FXR2: variants seen among roughly 807,000 people sequenced by gnomAD.
The protein encoded by FXR2 is RNA-binding protein FXR2.
A neutral mutation model predicts 87.3 loss-of-function variants in FXR2; 9 were observed. That is an observed-to-expected ratio of 0.10 (90% confidence interval 0.06 to 0.18). The LOEUF (loss-of-function observed/expected upper bound fraction) is 0.18, where lower values mean the gene tolerates loss of function less well. Ranked by LOEUF, FXR2 falls within the 10% of genes least tolerant of loss-of-function variation. The pLI is 1.00. For synonymous variants in FXR2, 331 were observed against 328.3 expected, an observed-to-expected ratio of 1.01 and a Z score of -0.09; for missense variants, 661 against 893.6, an observed-to-expected ratio of 0.74 and a Z score of 3.32.
Position 7,591,442 on chromosome 17 carries a change from T to G in FXR2, c.*388A>C. 1 of 221,194 alleles carries G rather than the reference T, an allele frequency of 4.5e-6. No individual in the cohort carries two copies. The highest frequency in any genetic ancestry group is 9.2e-6 in the Non-Finnish European group (1 of 108,654). 13.7% of individuals were successfully genotyped at this position (221,194 alleles called of 1,614,324 possible). A position where few individuals can be genotyped will look rare whatever the true frequency, so the allele number is the denominator to read the frequency against. On this transcript the variant is annotated 3_prime_UTR_variant, in exon 17 of 17. Coordinates refer to ENST00000250113, the MANE Select transcript of FXR2 (RefSeq NM_004860.4). The surrounding 1 kb of genome is among the most constrained non-coding windows in gnomAD (Gnocchi z 4.0). ...TTCCACAGTGATGAGGCCCCAGAAA[T>G]GGGGGGTACAGGATGGGAGGAGGGA...
chr17:7,611,540 C>G (rs2071864706), intron 1 of FXR2, among the ~76,000 whole-genome samples: 1 of 152,108 alleles, frequency 6.6e-6, no homozygotes, highest in Non-Finnish European at 1.5e-5. Context: ...TGGTGTTGCA[C>G]ACCTGTAATC....
chr17:7,613,221 A>C (rs934373050), intron 1 of FXR2, among the ~76,000 whole-genome samples: 2 of 151,680 alleles, frequency 1.3e-5, no homozygotes, highest in Admixed American at 6.6e-5. Flanking sequence ...AGGGGGATCC[A>C]CTCTTAACAA....
In FXR2 at chr17:7,594,351, G is replaced by A. The variant is rs1567748449; in HGVS notation, c.911-4C>T. On this transcript the variant is annotated splice_region_variant and splice_polypyrimidine_tract_variant and intron_variant, in intron 9 of 16. Coordinates refer to ENST00000250113, the MANE Select transcript of FXR2 (RefSeq NM_004860.4). This position sits in a 1 kb window ranked among gnomAD's most constrained non-coding sequence, Gnocchi z 5.1. Reference sequence around the variant, plus strand: ...CCGTTCTTTCCAATCACTTTGCCTGGAATAGGTAAATGAGGAATTCAGCCT... The same window carrying A: ...CCGTTCTTTCCAATCACTTTGCCTGAAATAGGTAAATGAGGAATTCAGCCT... 6.4e-7 allele frequency: 1 copy of A among 1,565,296 alleles called. No homozygotes were observed. Among genetic ancestry groups the A allele is most frequent in the East Asian group, 2.2e-5 (1 of 44,652 alleles).
rs56863633 is a variant in FXR2 at position 7,609,979 on chromosome 17, C to CATAT, written c.82-3834_82-3831dup. On this transcript the variant is annotated intron_variant, in intron 1 of 16. Coordinates refer to ENST00000250113, the MANE Select transcript of FXR2 (RefSeq NM_004860.4). ...ACATATATATACATGTATATGTATA[C>CATAT]ATATATATATACATGTATATGTATA... 6.3e-5 allele frequency among the ~76,000 whole-genome samples: 3 copies of CATAT among 47,846 alleles called. 1 individual carries two copies. Among genetic ancestry groups the CATAT allele is most frequent in the African/African-American group, 1.6e-4 (3 of 18,578 alleles). 31.4% of individuals were successfully genotyped at this position (47,846 alleles called of 152,430 possible).
rs749571591 is a variant in FXR2, at chr17:7,603,801, G to C, written c.405C>G (p.Ser135Arg). 3.7e-6 allele frequency: 6 copies of C among 1,613,958 alleles called. No homozygotes were observed. Among genetic ancestry groups the C allele is most frequent in the Non-Finnish European group, 5.1e-6 (6 of 1,179,872 alleles). Residue 135 changes from serine to arginine, a missense_variant, in exon 5 of 17, where the codon AGC (serine) becomes AGG (arginine). Around this residue, in one of 3 missense-constraint regions of FXR2, gnomAD observed 170 missense variants for 247.2 expected, o/e 0.69. Transcript: ENST00000250113. ...VNPNPLATKGSFFKVTMAVPE... is the reference protein window; with the variant it reads ...VNPNPLATKGRFFKVTMAVPE... ...GCACAGCCATGGTAACCTTGAAGAA[G>C]CTGCCTTTGGTTGCAAGGGGATTGG...
intron 3 of FXR2, among the ~76,000 whole-genome samples, chr17:7,604,721 C>CTTT (rs202152843): frequency 1.5e-5 from 2 of 130,544 alleles, no homozygotes; most frequent in South Asian, 2.6e-4. Flanking sequence ...TGGGATGCAT[C>CTTT]TTTTTTTTTT....
chr17:7,602,679 A>G, intron 6 of FXR2: 1 of 399,196 alleles, frequency 2.5e-6, no homozygotes, highest in Non-Finnish European at 4.5e-6. Context: ...CAGTGAGCCG[A>G]GATCGTGCCA....
chr17:7,603,283 T>C (rs2071774344), intron 5 of FXR2, among the ~76,000 whole-genome samples: 1 of 151,422 alleles, frequency 6.6e-6, no homozygotes, highest in South Asian at 2.1e-4. Context: ...ATCCCAGCAC[T>C]TTGGGAGGCT....
chr17:7,592,075 G>A lies in FXR2; in HGVS notation c.1927-150C>T, dbSNP rs1296621943. 1 of 1,436,844 alleles carries A rather than the reference G, an allele frequency of 7.0e-7. No homozygotes were observed. Among genetic ancestry groups the A allele is most frequent in the Admixed American group, 2.7e-5 (1 of 36,378 alleles). 89.0% of individuals were successfully genotyped at this position (1,436,844 alleles called of 1,614,324 possible). On this transcript the variant is annotated intron_variant, in intron 16 of 16. Coordinates refer to ENST00000250113, the MANE Select transcript of FXR2 (RefSeq NM_004860.4). The surrounding 1 kb of genome is among the most constrained non-coding windows in gnomAD (Gnocchi z 4.8). ...TCATGATCCAGTCTCTCTTACTTGGGATCCAGAAAATGTGAACCACACTTT... is the reference window on the plus strand; with the variant it reads ...TCATGATCCAGTCTCTCTTACTTGGAATCCAGAAAATGTGAACCACACTTT...
intron 7 of FXR2, among the ~76,000 whole-genome samples, chr17:7,600,493 T>C (rs988064393): frequency 6.6e-6 from 1 of 151,792 alleles, no homozygotes; most frequent in African/African-American, 2.4e-5. Context: ...GCGCCCACCC[T>C]AAAAAATAAA....
chr17:7,591,612 T>A lies in FXR2; in HGVS notation c.*218A>T. 1 of 566,720 alleles carries A rather than the reference T, an allele frequency of 1.8e-6. No individual in the cohort carries two copies. Among genetic ancestry groups the A allele is most frequent in the Non-Finnish European group, 3.2e-6 (1 of 314,994 alleles). 35.1% of individuals were successfully genotyped at this position (566,720 alleles called of 1,614,324 possible). The stretch of plus-strand genomic sequence containing the variant: ...CAGTCTGATGGGGAAGGAGAGAGGC[T>A]CCCCTTACCCTGGGGGTAGGGTGGA... On this transcript the variant is annotated 3_prime_UTR_variant, in exon 17 of 17. Coordinates refer to ENST00000250113, the MANE Select transcript of FXR2 (RefSeq NM_004860.4). The surrounding 1 kb of genome is among the most constrained non-coding windows in gnomAD (Gnocchi z 4.0).
chr17:7,602,927 G>T lies in FXR2; in HGVS notation c.525C>A (p.Asn175Lys). The change falls in exon 6 of 17, where the codon AAC becomes AAA. Residue 175 changes from asparagine to lysine, a missense_variant. Asn to Lys is a moderately conservative substitution (Grantham distance 94). Around this residue, in one of 3 missense-constraint regions of FXR2, gnomAD observed 170 missense variants for 247.2 expected, o/e 0.69. Coordinates refer to ENST00000250113, the MANE Select transcript of FXR2 (RefSeq NM_004860.4). ...GANCIFLNIT[N>K]SELFILSTTE... ...AACTCACCAGAATGAAGAGCTCACT[G>T]TTTGTGATGTTGAGAAAGATGCAGT... 1 of 1,532,018 alleles carries T rather than the reference G, an allele frequency of 6.5e-7. No individual in the cohort carries two copies. Among genetic ancestry groups the T allele is most frequent in the Non-Finnish European group, 9.0e-7 (1 of 1,106,394 alleles). The allele number at this position is 1,532,018 out of a possible 1,614,324, so 94.9% of individuals were successfully genotyped here. A position where few individuals can be genotyped will look rare whatever the true frequency, so the allele number is the denominator to read the frequency against.
rs1455743571 is a variant in FXR2, at chr17:7,591,570, G to T, written c.*260C>A. 1 of 477,662 alleles carries T rather than the reference G, an allele frequency of 2.1e-6. No individual in the cohort carries two copies. Among genetic ancestry groups the T allele is most frequent in the African/African-American group, 2.0e-5 (1 of 50,538 alleles). 29.6% of individuals were successfully genotyped at this position (477,662 alleles called of 1,614,324 possible). A position where few individuals can be genotyped will look rare whatever the true frequency, so the allele number is the denominator to read the frequency against. Reference sequence around the variant, plus strand: ...TGTTCAGAGAGAGATTGGGGCATTAGAGGATAAAGGCACATCCAGTCTGAT... The same window carrying T: ...TGTTCAGAGAGAGATTGGGGCATTATAGGATAAAGGCACATCCAGTCTGAT... On this transcript the variant is annotated 3_prime_UTR_variant, in exon 17 of 17. Transcript: ENST00000250113. The surrounding 1 kb of genome is among the most constrained non-coding windows in gnomAD (Gnocchi z 4.0).
chr17:7,614,164 G>A (rs2071910212), intron 1 of FXR2: 1 of 640,204 alleles, frequency 1.6e-6, no homozygotes, highest in Non-Finnish European at 2.9e-6. Context: ...GGGTAAAGGG[G>A]TCTCTCCTGC....
intron 7 of FXR2, among the ~76,000 whole-genome samples, chr17:7,600,428 G>T (rs1451111012): frequency 6.6e-6 from 1 of 152,078 alleles, no homozygotes; most frequent in East Asian, 1.9e-4. Context: ...GGATTGATCT[G>T]CCTGCCTCGG....
chr17:7,593,576 C>T lies in FXR2; in HGVS notation c.1157G>A (p.Arg386Gln), dbSNP rs1278448456. Residue 386 changes from arginine (R) to glutamine (Q), a missense_variant, in exon 12 of 17, where the codon CGG becomes CAG. Coordinates refer to ENST00000250113, the MANE Select transcript of FXR2 (RefSeq NM_004860.4). This position sits in a 1 kb window ranked among gnomAD's most constrained non-coding sequence, Gnocchi z 6.1. ...AGGGCGAAAGCCCAGCCCAATCTGC[C>T]GAAGCTGCTCATCAATTTGTAGCCT... is the stretch of plus-strand genomic sequence containing the variant. Reference protein sequence around the residue: ...LERLQIDEQLRQIGLGFRPPG... With the variant: ...LERLQIDEQLQQIGLGFRPPG... 4.4e-6 allele frequency: 7 copies of T among 1,598,060 alleles called. No individual in the cohort carries two copies. Among genetic ancestry groups the T allele is most frequent in the East Asian group, 2.3e-5 (1 of 44,376 alleles).
intron 7 of FXR2, among the ~76,000 whole-genome samples, chr17:7,596,696 A>G (rs565045594): frequency 3.3e-5 from 5 of 152,232 alleles, no homozygotes; most frequent in Non-Finnish European, 7.3e-5. Flanking sequence ...AGAGGATTAG[A>G]CAAGGCTGGT....
chr17:7,605,760 G>T, intron 2 of FXR2, 22 bp from the exon 3 acceptor site: 1 of 1,327,642 alleles, frequency 7.5e-7, no homozygotes, highest in Non-Finnish European at 1.1e-6. Context: ...ACAATAATAT[G>T]AAAAAGCTAC....
In FXR2 at chr17:7,593,855, G is replaced by A. The variant is rs1373633626; in HGVS notation, c.1107+63C>T. 5 of 1,061,168 alleles carry A rather than the reference G, an allele frequency of 4.7e-6. No individual in the cohort carries two copies. The highest frequency in any genetic ancestry group is 3.0e-6 in the Non-Finnish European group (2 of 677,534). 65.7% of individuals were successfully genotyped at this position (1,061,168 alleles called of 1,614,324 possible). A position where few individuals can be genotyped will look rare whatever the true frequency, so the allele number is the denominator to read the frequency against. ...AACAGAGAACCAAAATCCCTGAGCTGACCCCCACAGCAGTCTTAGTTCCCT... is the reference window on the plus strand; with the variant it reads ...AACAGAGAACCAAAATCCCTGAGCTAACCCCCACAGCAGTCTTAGTTCCCT... On this transcript the variant is annotated intron_variant, in intron 11 of 16. Coordinates refer to ENST00000250113, the MANE Select transcript of FXR2 (RefSeq NM_004860.4). This position sits in a 1 kb window ranked among gnomAD's most constrained non-coding sequence, Gnocchi z 6.1.
Sources: allele counts gnomAD v4.1 joint callset (sites outside exome capture counted in the v4.1 genomes callset), GRCh38; gene constraint gnomAD v4.1.1; regional missense constraint gnomAD v4.1.1; non-coding constraint Gnocchi (gnomAD v3.1); transcripts MANE v1.5; gene names NCBI Gene and HGNC (gene_info 2026-07-23, HGNC 2026-07-21).